DEFB112: variants seen among roughly 807,000 people sequenced by gnomAD.
DEFB112 encodes the protein defensin beta 112.
Under a neutral mutation model 1.1 loss-of-function variants are expected in DEFB112, and 2 were observed. The ratio of observed to expected loss-of-function variants is 1.85; its 90% CI spans 0.76 to 5.83. The LOEUF (loss-of-function observed/expected upper bound fraction) is 5.83, where lower values mean the gene tolerates loss of function less well. DEFB112 is among the 30% of genes most tolerant of loss of function. The pLI, the probability that DEFB112 is intolerant of heterozygous loss-of-function variation, is 0.05. For missense variants in DEFB112, 120 were observed against 94.4 expected, an observed-to-expected ratio of 1.27 and a Z score of -1.12; for synonymous variants, 40 against 31.2, an observed-to-expected ratio of 1.28 and a Z score of -0.93.
chr6:50,049,177 A>G (rs1774888141), intron 1 of DEFB112, among the ~76,000 whole-genome samples: 1 of 152,084 alleles, frequency 6.6e-6, no homozygotes, highest in Admixed American at 6.6e-5. Flanking sequence ...TTATGTTTAA[A>G]TGTTAGGGCA....
Position 50,042,685 on chromosome 6 carries a change from G to A in DEFB112, c.*890C>T, listed in dbSNP as rs574706817. Among the ~76,000 whole-genome samples the A allele has an allele frequency of 6.6e-6, 1 of 152,056 alleles. No individual in the cohort carries two copies. Among genetic ancestry groups the A allele is most frequent in the East Asian group, 1.9e-4 (1 of 5,168 alleles). On this transcript the variant is annotated 3_prime_UTR_variant, in exon 2 of 2. Transcript: ENST00000651554. ...ATCTTTAATCTAGGTGAGGTATTAA[G>A]ACCAACTGCTGACCCTTTCCCTCAA... is the stretch of plus-strand genomic sequence containing the variant.
chr6:50,044,511 G>A (rs956763403), intron 1 of DEFB112, among the ~76,000 whole-genome samples: 2 of 151,668 alleles, frequency 1.3e-5, no homozygotes, highest in Admixed American at 6.6e-5. Context: ...TAATTTCTTC[G>A]ACTTTGTAAC....
chr6:50,043,705 C>T lies in DEFB112; in HGVS notation c.155G>A (p.Arg52Lys). ...CKNQCDDSEFRISYCARPTTH... is the reference protein window; with the variant it reads ...CKNQCDDSEFKISYCARPTTH... ...TGTAGGTCTTGCACAGTATGAAATC[C>T]TAAATTCACTATCATCACATTGATT... Residue 52 changes from arginine to lysine, a missense_variant, in exon 2 of 2, where the codon AGG becomes AAG. Physicochemically the swap from Arg to Lys is conservative, Grantham distance 26. Coordinates refer to ENST00000651554, the MANE Select transcript of DEFB112 (RefSeq NM_001369057.2). The T allele has an allele frequency of 6.2e-7, 1 of 1,613,476 alleles. No individual in the cohort carries two copies. Among genetic ancestry groups the T allele is most frequent in the Non-Finnish European group, 8.5e-7 (1 of 1,179,578 alleles).
intron 1 of DEFB112, among the ~76,000 whole-genome samples, chr6:50,046,543 G>T (rs933050715): frequency 6.6e-6 from 1 of 152,086 alleles, no homozygotes; most frequent in African/African-American, 2.4e-5. Context: ...GTAGTTTATC[G>T]TGGTTTAAAT....
At chr6:50,047,991 C>CA (rs749336465) in intron 1 of DEFB112, among the ~76,000 whole-genome samples, 1 of 151,582 alleles carries the variant, frequency 6.6e-6, no homozygotes, top group African/African-American at 2.4e-5. Flanking sequence ...ACTAAAAATA[C>CA]AAAAAATTAG....
intron 1 of DEFB112, among the ~76,000 whole-genome samples, chr6:50,047,639 C>T (rs1302181227): frequency 6.6e-6 from 1 of 152,154 alleles, no homozygotes; most frequent in Non-Finnish European, 1.5e-5. Context: ...CAACATCATG[C>T]TGACATCCAG....
At position 50,043,386 on chromosome 6, in the gene DEFB112, C is replaced by CT. The variant is rs1774777119; in HGVS notation, c.*188dup. 6.6e-6 allele frequency among the ~76,000 whole-genome samples: 1 copy of CT among 152,014 alleles called. No individual in the cohort carries two copies. Among genetic ancestry groups the CT allele is most frequent in the Non-Finnish European group, 1.5e-5 (1 of 67,978 alleles). ...TGCTTCTATTCCAGAGTTCAAATCC[C>CT]TGCTTTGTATTCTGATTCTTTCTTC... On this transcript the variant is annotated 3_prime_UTR_variant, in exon 2 of 2. Transcript: ENST00000651554.
chr6:50,048,538 T>C, intron 1 of DEFB112: 1 of 1,610,588 alleles, frequency 6.2e-7, no homozygotes, highest in Non-Finnish European at 8.5e-7. Context: ...TTGTTTTACC[T>C]GTGCTGATTT....
In DEFB112 at chr6:50,042,344, A is replaced by G. The variant is rs1301659849; in HGVS notation, c.*1231T>C. Among the ~76,000 whole-genome samples, 1 of 152,018 alleles carries G rather than the reference A, an allele frequency of 6.6e-6. No homozygotes were observed. The highest frequency in any genetic ancestry group is 1.5e-5 in the Non-Finnish European group (1 of 67,938). Reference sequence around the variant, plus strand: ...GATGCTTTTCCCTATGTGCCCAGGTACTGTGTACAGGATATGTTTTGGTTA... The same window carrying G: ...GATGCTTTTCCCTATGTGCCCAGGTGCTGTGTACAGGATATGTTTTGGTTA... On this transcript the variant is annotated 3_prime_UTR_variant, in exon 2 of 2. Transcript: ENST00000651554.
In DEFB112 at chr6:50,043,565, A is replaced by T. The variant is rs774432283; in HGVS notation, c.*10T>A. 1.2e-6 allele frequency: 2 copies of T among 1,604,884 alleles called. No homozygotes were observed. The highest frequency in any genetic ancestry group is 1.7e-6 in the Non-Finnish European group (2 of 1,172,802). On this transcript the variant is annotated 3_prime_UTR_variant, in exon 2 of 2. Coordinates refer to ENST00000651554, the MANE Select transcript of DEFB112 (RefSeq NM_001369057.2). ...ATTCAGATGTATCATCTTCTTGTGC[A>T]TGGATTTCTTCAATGACGTGAGTCT...
In DEFB112 at chr6:50,042,514, G is replaced by A. The variant is rs1460877997; in HGVS notation, c.*1061C>T. Among the ~76,000 whole-genome samples, 3 of 151,990 alleles carry A rather than the reference G, an allele frequency of 2.0e-5. No individual in the cohort carries two copies. The highest frequency in any genetic ancestry group is 2.1e-4 in the South Asian group (1 of 4,826). On this transcript the variant is annotated 3_prime_UTR_variant, in exon 2 of 2. Transcript: ENST00000651554. ...TTCTTCATGTGGCCTTAGTCCACAG[G>A]TTGTAAGTCACATAATAACCAAGGC...
chr6:50,047,529 C>T (rs377073062), intron 1 of DEFB112, among the ~76,000 whole-genome samples: 68 of 152,306 alleles, frequency 4.5e-4, no homozygotes, highest in African/African-American at 1.6e-3. Flanking sequence ...GCTGTAATCT[C>T]TCACCTGGTT....
At chr6:50,048,803 C>G (rs1393293222) in intron 1 of DEFB112, 6 of 567,006 alleles carry the variant, frequency 1.1e-5, no homozygotes, top group Admixed American at 1.0e-4. Flanking sequence ...AAATGATAAA[C>G]ATATAGTACA....
rs532380866 is a variant in DEFB112, at chr6:50,042,907, A to T, written c.*668T>A. On this transcript the variant is annotated 3_prime_UTR_variant, in exon 2 of 2. Coordinates refer to ENST00000651554, the MANE Select transcript of DEFB112 (RefSeq NM_001369057.2). ...GAATCATCTGATAATATGTGGAAACATTAAAAACATGAAACAAAGCAAAAC... is the reference window on the plus strand; with the variant it reads ...GAATCATCTGATAATATGTGGAAACTTTAAAAACATGAAACAAAGCAAAAC... Among the ~76,000 whole-genome samples the T allele has an allele frequency of 1.3e-5, 2 of 152,108 alleles. No homozygotes were observed. The highest frequency in any genetic ancestry group is 2.4e-5 in the African/African-American group (1 of 41,442).
intron 1 of DEFB112, among the ~76,000 whole-genome samples, chr6:50,046,730 A>G (rs1172403523): frequency 6.6e-6 from 1 of 152,166 alleles, no homozygotes; most frequent in Non-Finnish European, 1.5e-5. Flanking sequence ...TTATATATGT[A>G]GCAATGTTTG....
intron 1 of DEFB112, 137 bp from the exon 2 acceptor site, chr6:50,043,938 A>G: frequency 2.8e-6 from 2 of 718,776 alleles, no homozygotes; most frequent in East Asian, 2.7e-5. Flanking sequence ...TTTTGTCCAT[A>G]TCAGAGAAAA....
Position 50,043,616 on chromosome 6 carries a change from C to G in DEFB112, c.244G>C (p.Val82Leu). The G allele has an allele frequency of 6.2e-7, 1 of 1,613,488 alleles. No homozygotes were observed. The highest frequency in any genetic ancestry group is 1.1e-5 in the South Asian group (1 of 91,054). Reference protein sequence around the residue: ...DPNNWIPKDSVGTQEWYPKDS... With the variant: ...DPNNWIPKDSLGTQEWYPKDS... ...TTAGGGTACCATTCTTGAGTCCCTA[C>G]TGAGTCCTTTGGGATCCAATTATTT... is the stretch of plus-strand genomic sequence containing the variant. Residue 82 changes from valine to leucine, a missense_variant, in exon 2 of 2, where the codon GTA (valine) becomes CTA (leucine). By Grantham distance (32) the Val-to-Leu change is conservative. Transcript: ENST00000651554.
At chr6:50,048,584 G>A (rs1774875287) in intron 1 of DEFB112, 1 of 1,613,614 alleles carries the variant, frequency 6.2e-7, no homozygotes, top group Non-Finnish European at 8.5e-7. Context: ...AAATATTGTG[G>A]AAGATGTATT....
chr6:50,042,937 CA>C lies in DEFB112; in HGVS notation c.*637del, dbSNP rs1259171982. Among the ~76,000 whole-genome samples, 2 of 151,772 alleles carry C rather than the reference CA, an allele frequency of 1.3e-5. No homozygotes were observed. Among genetic ancestry groups the C allele is most frequent in the Admixed American group, 6.6e-5 (1 of 15,220 alleles). ...AAACATGAAACAAAGCAAAACAAAACAAAAAAGTTAATCATAATTTCACATT... is the reference window on the plus strand; with the variant it reads ...AAACATGAAACAAAGCAAAACAAAACAAAAAGTTAATCATAATTTCACATT... On this transcript the variant is annotated 3_prime_UTR_variant, in exon 2 of 2. Coordinates refer to ENST00000651554, the MANE Select transcript of DEFB112 (RefSeq NM_001369057.2).
Sources: allele counts gnomAD v4.1 joint callset (sites outside exome capture counted in the v4.1 genomes callset), GRCh38; gene constraint gnomAD v4.1.1; transcripts MANE v1.5; gene names NCBI Gene and HGNC (gene_info 2026-07-23, HGNC 2026-07-21).